The following DHX34 variants were observed in gnomAD, a reference collection of about 807,000 sequenced individuals.
DHX34 encodes the protein probable ATP-dependent RNA helicase DHX34.
In DHX34, 96 loss-of-function variants were observed where a neutral mutation model predicts 111.1. The ratio of observed to expected loss-of-function variants is 0.86; its 90% confidence interval spans 0.73 to 1.02. The LOEUF (loss-of-function observed/expected upper bound fraction) is 1.02. Ranked by LOEUF, DHX34 falls within the 50% of genes least tolerant of loss-of-function variation. The probability of loss-of-function intolerance (pLI) is 0.00; values close to 1 mark genes in which losing one functional copy is unlikely to be tolerated. For synonymous variants in DHX34, 688 were observed against 670.4 expected (o/e 1.03, Z -0.41); for missense variants, 1,560 against 1,579.9 (o/e 0.99, Z 0.21).
intron 7 of DHX34, 48 bp from the exon 8 acceptor site, chr19:47,372,682 C>T (rs747072893): frequency 2.8e-5 from 43 of 1,520,922 alleles, no homozygotes; most frequent in Admixed American, 1.6e-4. Flanking sequence ...GTGAGGGCTG[C>T]GCCTGTCCTG....
chr19:47,375,075 G>A (rs1243279127), intron 9 of DHX34, among the ~76,000 whole-genome samples: 1 of 152,228 alleles, frequency 6.6e-6, no homozygotes, highest in East Asian at 1.9e-4. Flanking sequence ...ATGAGGCCCA[G>A]GACTTGGCAT....
Position 47,353,684 on chromosome 19 carries a change from C to G in DHX34, c.654C>G (p.Ile218Met). Residue 218 changes from isoleucine (I) to methionine (M), a missense_variant, in exon 2 of 17, where the codon ATC (isoleucine) becomes ATG (methionine). By Grantham distance (10) the Ile-to-Met change is conservative. Coordinates refer to ENST00000328771, the MANE Select transcript of DHX34 (RefSeq NM_014681.6). This position sits in a 1 kb window ranked among gnomAD's most constrained non-coding sequence, Gnocchi z 4.6. ...CCCAGCCCCGGCGGATCGCCTGCAT[C>G]TCACTGGCCAAGCGTGTGGGCTTTG... ...ACTQPRRIAC[I>M]SLAKRVGFES... 3 of 1,611,878 alleles carry G rather than the reference C, an allele frequency of 1.9e-6. No individual in the cohort carries two copies. Among genetic ancestry groups the G allele is most frequent in the Non-Finnish European group, 2.5e-6 (3 of 1,179,216 alleles).
chr19:47,376,062 G>A lies in DHX34; in HGVS notation c.2446G>A (p.Asp816Asn), dbSNP rs774448854. Residue 816 changes from aspartate (D) to asparagine (N), a missense_variant, in exon 11 of 17, where the codon GAC becomes AAC. By Grantham distance (23) the Asp-to-Asn change is conservative. Transcript: ENST00000328771. Reference sequence around the variant, plus strand: ...CCTGTACCCACAGCTGGCCGTCCCCGACGCCTTCAACAGCAGCCGAAAGGA... The same window carrying A: ...CCTGTACCCACAGCTGGCCGTCCCCAACGCCTTCAACAGCAGCCGAAAGGA... ...RGLYPQLAVP[D>N]AFNSSRKDSD... 30 of 1,579,114 alleles carry A rather than the reference G, an allele frequency of 1.9e-5. No individual in the cohort carries two copies. In the East Asian group the frequency reaches 2.3e-4, roughly 12 times the overall value.
At chr19:47,352,430 CTT>C (rs1329994330) in intron 1 of DHX34, among the ~76,000 whole-genome samples, 1 of 152,150 alleles carries the variant, frequency 6.6e-6, no homozygotes, top group African/African-American at 2.4e-5. Flanking sequence ...AATCCCAACA[CTT>C]TGGGAGGCTA....
chr19:47,375,327 T>A (rs978451098), intron 9 of DHX34, 139 bp from the exon 10 acceptor site: 1 of 1,407,318 alleles, frequency 7.1e-7, no homozygotes, highest in Non-Finnish European at 9.2e-7. Context: ...CAGCGATCCA[T>A]GCCCAGCACC....
chr19:47,377,296 G>A (rs908296314), intron 13 of DHX34, 90 bp downstream of exon 13: 163 of 1,371,218 alleles, frequency 1.2e-4, no homozygotes, highest in Non-Finnish European at 1.5e-4. Context: ...GGGCTTGGAG[G>A]GGCCACCTGG....
At position 47,358,109 on chromosome 19, in the gene DHX34, G is replaced by C. The variant is rs763559349; in HGVS notation, c.1261G>C (p.Asp421His). ...LPLHSALSVADQDKVFDVAPP... is the reference protein window; with the variant it reads ...LPLHSALSVAHQDKVFDVAPP... The stretch of plus-strand genomic sequence containing the variant: ...ACTGCACAGCGCCCTGTCTGTGGCC[G>C]ACCAGGACAAGGTATCACAGGAAGC... Residue 421 changes from aspartate to histidine, a missense_variant, in exon 4 of 17, where the codon GAC (aspartate) becomes CAC (histidine). Transcript: ENST00000328771. The C allele has an allele frequency of 6.2e-7, 1 of 1,607,334 alleles. No individual in the cohort carries two copies. Among genetic ancestry groups the C allele is most frequent in the Non-Finnish European group, 8.5e-7 (1 of 1,175,256 alleles).
rs369172259 is a variant in DHX34, at chr19:47,358,093, C to T, written c.1245C>T (p.Ser415=). 51 of 1,609,694 alleles carry T rather than the reference C, an allele frequency of 3.2e-5. No individual in the cohort carries two copies. The highest frequency in any genetic ancestry group is 1.7e-4 in the Middle Eastern group (1 of 6,050). ...TQRWVVLPLH[S]ALSVADQDKV... ...GCTGGGTGGTACTGCCACTGCACAGCGCCCTGTCTGTGGCCGACCAGGACA... is the reference window on the plus strand; with the variant it reads ...GCTGGGTGGTACTGCCACTGCACAGTGCCCTGTCTGTGGCCGACCAGGACA... The change falls in exon 4 of 17, where the codon AGC becomes AGT. Residue 415 remains serine (S), a synonymous_variant. Coordinates refer to ENST00000328771, the MANE Select transcript of DHX34 (RefSeq NM_014681.6).
At chr19:47,350,078 A>G (rs1029721578) in intron 1 of DHX34, among the ~76,000 whole-genome samples, 1 of 152,152 alleles carries the variant, frequency 6.6e-6, no homozygotes, top group Admixed American at 6.6e-5. Flanking sequence ...TGGGATAGGA[A>G]TAGATCATGC....
In DHX34 at chr19:47,358,047, C is replaced by T; in HGVS notation, c.1199C>T (p.Thr400Ile). ...EISAVLEAAQ[T>I]YASHTQRWVV... is the part of the protein sequence containing the mutation. ...AGCGCCGTGCTGGAGGCTGCCCAGA[C>T]CTATGCCAGCCACACCCAGCGCTGG... The change falls in exon 4 of 17, where the codon ACC becomes ATC. Residue 400 changes from threonine (T) to isoleucine (I), a missense_variant. Coordinates refer to ENST00000328771, the MANE Select transcript of DHX34 (RefSeq NM_014681.6). 1 of 1,612,896 alleles carries T rather than the reference C, an allele frequency of 6.2e-7. No homozygotes were observed. Among genetic ancestry groups the T allele is most frequent in the Non-Finnish European group, 8.5e-7 (1 of 1,179,920 alleles).
intron 4 of DHX34, 62 bp downstream of exon 4, chr19:47,358,182 A>G (rs889633239): frequency 1.3e-6 from 2 of 1,558,392 alleles, no homozygotes; most frequent in African/African-American, 1.3e-5. Context: ...GTGGCTGCGC[A>G]CAGGACTTGT....
Position 47,356,823 on chromosome 19 carries a change from C to T in DHX34, c.1018-1043C>T, listed in dbSNP as rs1200926158. 3.3e-5 allele frequency among the ~76,000 whole-genome samples: 5 copies of T among 151,754 alleles called. No individual in the cohort carries two copies. In the South Asian group the frequency reaches 6.2e-4, roughly 19 times the overall value. ...GCAAAAATTAGCTCGAGTGGTGGTGCGCCCCTGTTATCCCAGTTACTCAGG... is the reference window on the plus strand; with the variant it reads ...GCAAAAATTAGCTCGAGTGGTGGTGTGCCCCTGTTATCCCAGTTACTCAGG... On this transcript the variant is annotated intron_variant, in intron 3 of 16. Transcript: ENST00000328771.
Position 47,375,706 on chromosome 19 carries a change from C to T in DHX34, c.2305C>T (p.Gln769Ter). 1 of 1,561,188 alleles carries T rather than the reference C, an allele frequency of 6.4e-7. No homozygotes were observed. Among genetic ancestry groups the T allele is most frequent in the Non-Finnish European group, 8.6e-7 (1 of 1,157,984 alleles). ...AGGGGCCAGTGATGGCGTGGACATC[C>T]AGGTGGGCGCCATGGGCTGTGGGGT... ...PPGASDGVDI[Q>*]DVKFKLRHDL... The change falls in exon 10 of 17, where the codon CAG (glutamine) becomes TAG (stop). Residue 769 changes from glutamine to a stop codon, truncating the protein, a stop_gained and splice_region_variant. Coordinates refer to ENST00000328771, the MANE Select transcript of DHX34 (RefSeq NM_014681.6). LOFTEE classifies it high-confidence loss of function.
In DHX34 at chr19:47,353,411, G is replaced by T. The variant is rs373199994; in HGVS notation, c.381G>T (p.Ala127=). ...AGGGACTGGGCAGGCACTTGCCCGC[G>T]GAGAGAGTGGCTGAGTTCCGCCGAG... ...GSQGLGRHLP[A]ERVAEFRRAL... The change falls in exon 2 of 17, where the codon GCG becomes GCT. Residue 127 remains alanine, a synonymous_variant. Coordinates refer to ENST00000328771, the MANE Select transcript of DHX34 (RefSeq NM_014681.6). This position sits in a 1 kb window ranked among gnomAD's most constrained non-coding sequence, Gnocchi z 4.6. The T allele has an allele frequency of 9.9e-6, 16 of 1,614,062 alleles. No homozygotes were observed. The African/African-American group carries it at 2.0e-4, about 20-fold the overall frequency.
At chr19:47,373,407 C>G in intron 8 of DHX34, 192 bp from the exon 9 acceptor site, 1 of 907,278 alleles carries the variant, frequency 1.1e-6, no homozygotes, top group Non-Finnish European at 1.3e-6. Flanking sequence ...GACAACCCAG[C>G]GGGGCATCTA....
intron 11 of DHX34, 145 bp downstream of exon 11, chr19:47,376,242 A>C: frequency 7.0e-7 from 1 of 1,429,536 alleles, no homozygotes; most frequent in Non-Finnish European, 9.2e-7. Context: ...GGACAGACCC[A>C]TCCCCAGACA....
intron 12 of DHX34, 122 bp from the exon 13 acceptor site, chr19:47,376,978 C>T (rs769258391): frequency 6.4e-7 from 1 of 1,556,382 alleles, no homozygotes. Flanking sequence ...GCCAGGCCAC[C>T]AAAGCCATGC....
chr19:47,355,661 A>T (rs974748916), intron 3 of DHX34, among the ~76,000 whole-genome samples: 1 of 152,110 alleles, frequency 6.6e-6, no homozygotes, highest in Non-Finnish European at 1.5e-5. Context: ...ATCCTGGCTA[A>T]CATGGTGAAA....
chr19:47,356,528 G>C (rs1432124236), intron 3 of DHX34, among the ~76,000 whole-genome samples: 1 of 151,798 alleles, frequency 6.6e-6, no homozygotes, highest in Non-Finnish European at 1.5e-5. Flanking sequence ...TACTTGGAAG[G>C]CTGAGGCAGG....
Sources: allele counts gnomAD v4.1 joint callset (sites outside exome capture counted in the v4.1 genomes callset), GRCh38; gene constraint gnomAD v4.1.1; non-coding constraint Gnocchi (gnomAD v3.1); transcripts MANE v1.5; gene names NCBI Gene and HGNC (gene_info 2026-07-23, HGNC 2026-07-21).